Variants in SLC25A30 observed in about 807,000 individuals in gnomAD.
The protein encoded by SLC25A30 is solute carrier family 25 member 30.
A neutral mutation model predicts 42.7 loss-of-function variants in SLC25A30; 29 were observed. That is an observed-to-expected ratio of 0.68 (90% confidence interval 0.51 to 0.93). The LOEUF (loss-of-function observed/expected upper bound fraction) is 0.93. SLC25A30 is among the 40% of genes least tolerant of loss of function. The pLI is 0.00. For synonymous variants in SLC25A30, 124 were observed against 131.0 expected (o/e 0.95, Z 0.37); for missense variants, 300 against 359.7 (o/e 0.83, Z 1.34).
At chr13:45,417,713 T>G (rs986967703) in intron 1 of SLC25A30, among the ~76,000 whole-genome samples, 2 of 152,198 alleles carry the variant, frequency 1.3e-5, no homozygotes, top group East Asian at 3.8e-4. Flanking sequence ...CAACATTGTT[T>G]GCTACTCTTG....
chr13:45,403,027 C>T (rs1290181010), intron 5 of SLC25A30, among the ~76,000 whole-genome samples: 1 of 152,122 alleles, frequency 6.6e-6, no homozygotes, highest in Non-Finnish European at 1.5e-5. Flanking sequence ...GTTTAGGGAG[C>T]AAATACGTTA....
chr13:45,424,620 T>C, the SLC25A30 span, among the ~76,000 whole-genome samples: 1 of 61,326 alleles, frequency 1.6e-5, no homozygotes, highest in African/African-American at 6.0e-5. Flanking sequence ...TATATATAAA[T>C]ATATATAAAT....
At chr13:45,400,966 TC>T in intron 7 of SLC25A30, 116 bp downstream of exon 7, 1 of 883,952 alleles carries the variant, frequency 1.1e-6, no homozygotes, top group Non-Finnish European at 1.7e-6. Flanking sequence ...AATAAGGACT[TC>T]TACCTGGTCC....
At chr13:45,414,627 C>CACACAT (rs1883347119) in intron 1 of SLC25A30, among the ~76,000 whole-genome samples, 1 of 125,906 alleles carries the variant, frequency 7.9e-6, no homozygotes, top group South Asian at 2.8e-4. Context: ...CAAACACACA[C>CACACAT]ACACACATAC....
At position 45,395,038 on chromosome 13, in the gene SLC25A30, C is replaced by T; in HGVS notation, c.*936G>A. ...AATTACCATGAGAAGCCCATGAGAA[C>T]ATGCCCCTCTTCTACATAGACTGTT... On this transcript the variant is annotated 3_prime_UTR_variant, in exon 10 of 10. Coordinates refer to ENST00000519676, the MANE Select transcript of SLC25A30 (RefSeq NM_001010875.4). 1.0e-6 allele frequency: 1 copy of T among 985,470 alleles called. No homozygotes were observed. The highest frequency in any genetic ancestry group is 1.2e-6 in the Non-Finnish European group (1 of 829,940). The allele number at this position is 985,470 out of a possible 1,614,324, so 61.0% of individuals were successfully genotyped here. A position where few individuals can be genotyped will look rare whatever the true frequency, so the allele number is the denominator to read the frequency against.
At chr13:45,424,128 T>A in the SLC25A30 span, among the ~76,000 whole-genome samples, 2 of 81,606 alleles carry the variant, frequency 2.5e-5, no homozygotes, top group African/African-American at 5.4e-5. Context: ...TATATATAAA[T>A]ATATAAATAT....
rs1881249177 is a variant in SLC25A30, at chr13:45,395,648, T to TA, written c.*325_*326insT. The TA allele has an allele frequency of 1.7e-6, 2 of 1,204,852 alleles. No homozygotes were observed. Among genetic ancestry groups the TA allele is most frequent in the South Asian group, 3.7e-5 (2 of 54,424 alleles). 74.6% of individuals were successfully genotyped at this position (1,204,852 alleles called of 1,614,324 possible). ...TGAGCTGAGATGCATCAGGAGCTAC[T>TA]CTCCCTGAATAAAACAATACATCGC... is the stretch of plus-strand genomic sequence containing the variant. On this transcript the variant is annotated 3_prime_UTR_variant, in exon 10 of 10. Coordinates refer to ENST00000519676, the MANE Select transcript of SLC25A30 (RefSeq NM_001010875.4).
Position 45,401,221 on chromosome 13 carries a change from T to C in SLC25A30, c.490-14A>G. 1 of 1,613,140 alleles carries C rather than the reference T, an allele frequency of 6.2e-7. No individual in the cohort carries two copies. Among genetic ancestry groups the C allele is most frequent in the South Asian group, 1.1e-5 (1 of 90,990 alleles). ...AAGGGACACACCCTGGGTAAAAATA[T>C]TAACAATAAAAATGATTCTGATATG... On this transcript the variant is annotated splice_polypyrimidine_tract_variant and intron_variant, in intron 6 of 9. Coordinates refer to ENST00000519676, the MANE Select transcript of SLC25A30 (RefSeq NM_001010875.4).
chr13:45,433,350 CAG>C, the SLC25A30 span, among the ~76,000 whole-genome samples: 1 of 152,152 alleles, frequency 6.6e-6, no homozygotes, highest in Non-Finnish European at 1.5e-5. Flanking sequence ...TAATTTTAGC[CAG>C]AGTGTTCTAA....
chr13:45,396,670 G>A (rs571291239), intron 9 of SLC25A30: 16 of 154,840 alleles, frequency 1.0e-4, no homozygotes, highest in Non-Finnish European at 2.3e-4. Flanking sequence ...TACTCAGGAG[G>A]CCAAGGCAAG....
Position 45,405,928 on chromosome 13 carries a change from CTA to C in SLC25A30, c.260_261del (p.Ile87ArgfsTer12). The C allele has an allele frequency of 6.2e-7, 1 of 1,614,202 alleles. No homozygotes were observed. Among genetic ancestry groups the C allele is most frequent in the Non-Finnish European group, 8.5e-7 (1 of 1,180,028 alleles). ...LRQASYGTIK[I>X]GTYQSLKRLF... ...AGTCGCTTCAAGCTCTGGTAAGTGC[CTA>C]TCTTGATGGTGCCATAGGATGCCTG... is the stretch of plus-strand genomic sequence containing the variant. On this transcript the variant is annotated frameshift_variant, in exon 4 of 10. Coordinates refer to ENST00000519676, the MANE Select transcript of SLC25A30 (RefSeq NM_001010875.4). LOFTEE classifies it high-confidence loss of function.
chr13:45,431,917 T>G, the SLC25A30 span, among the ~76,000 whole-genome samples: 5 of 152,026 alleles, frequency 3.3e-5, no homozygotes, highest in African/African-American at 1.2e-4. Flanking sequence ...CATCTTTAAT[T>G]TTTCCTTTGT....
chr13:45,423,777 AATATAT>A, the SLC25A30 span, among the ~76,000 whole-genome samples: 88 of 47,976 alleles, frequency 1.8e-3, 1 homozygote, highest in Middle Eastern at 0.019. Context: ...AAAATATATA[AATATAT>A]AAATATATAA....
At chr13:45,425,114 A>AC in the SLC25A30 span, among the ~76,000 whole-genome samples, 21 of 78,704 alleles carry the variant, frequency 2.7e-4, 2 homozygotes, top group African/African-American at 1.1e-3. Context: ...ATATAAATAT[A>AC]TTTATAAATA....
At chr13:45,415,751 C>CAAAAA (rs367807886) in intron 1 of SLC25A30, among the ~76,000 whole-genome samples, 1 of 86,118 alleles carries the variant, frequency 1.2e-5, no homozygotes, top group Non-Finnish European at 2.1e-5. Context: ...GACTCCATCA[C>CAAAAA]AAAAAAAAAA....
the SLC25A30 span, among the ~76,000 whole-genome samples, chr13:45,423,815 A>ATAAATATATATTTTTAT: frequency 5.4e-5 from 3 of 55,736 alleles, no homozygotes; most frequent in East Asian, 4.1e-4. Flanking sequence ...TATATATAAA[A>ATAAATATATATTTTTAT]ATATAAATAT....
At position 45,405,976 on chromosome 13, in the gene SLC25A30, T is replaced by A; in HGVS notation, c.214A>T (p.Ile72Phe). The A allele has an allele frequency of 6.2e-7, 1 of 1,614,130 alleles. No individual in the cohort carries two copies. The highest frequency in any genetic ancestry group is 1.1e-5 in the South Asian group (1 of 91,072). The change falls in exon 4 of 10, where the codon ATT (isoleucine) becomes TTT (phenylalanine). Residue 72 changes from isoleucine to phenylalanine, a missense_variant and splice_region_variant. Coordinates refer to ENST00000519676, the MANE Select transcript of SLC25A30 (RefSeq NM_001010875.4). Reference protein sequence around the residue: ...EEGLKALYSGIAPAMLRQASY... With the variant: ...EEGLKALYSGFAPAMLRQASY... ...GCCTGGCGTAACATCGCGGGGGCAA[T>A]CCTGTTAAACCAATGTACAAAGGGA...
the SLC25A30 span, among the ~76,000 whole-genome samples, chr13:45,433,522 A>G: frequency 1.3e-5 from 2 of 152,206 alleles, no homozygotes; most frequent in African/African-American, 4.8e-5. Flanking sequence ...TTACCCTGTG[A>G]GGGCTGTGTT....
In SLC25A30 at chr13:45,417,206, T is replaced by C. The variant is rs565423260; in HGVS notation, c.-56+1094A>G. On this transcript the variant is annotated intron_variant, in intron 1 of 9. Transcript: ENST00000519676. ...TTGTATTTTTAGTAGAGACGGAGTT[T>C]CTCCATGTTGGCCAGGCTGGTCTCG... 1.3e-3 allele frequency among the ~76,000 whole-genome samples: 192 copies of C among 152,242 alleles called. 2 individuals carry two copies. Among genetic ancestry groups the C allele is most frequent in the Admixed American group, 0.012 (190 of 15,294 alleles).
Sources: gnomAD v4.1 joint callset for allele counts (sites outside exome capture counted in the v4.1 genomes callset) on GRCh38, gnomAD v4.1.1 for gene constraint, MANE v1.5 for transcripts, NCBI Gene and HGNC (gene_info 2026-07-23, HGNC 2026-07-21) for gene names.